Variants in LMOD3 observed in about 807,000 individuals in gnomAD.
LMOD3 encodes the protein leiomodin-3.
In LMOD3, 31 loss-of-function variants were observed where a neutral mutation model predicts 41.8. The observed-to-expected ratio is 0.74, with a 90% confidence interval of 0.56 to 1.00. The LOEUF is 1.00. Among genes scored for constraint, LMOD3 ranks in the 50% least tolerant of loss-of-function variants. LMOD3 has a pLI of 0.00. For missense variants in LMOD3, 755 were observed against 679.5 expected (o/e 1.11, Z -1.23); for synonymous variants, 292 against 241.9 (o/e 1.21, Z -1.92).
chr3:69,114,749 G>A (rs1434052540), intron 2 of LMOD3, among the ~76,000 whole-genome samples: 2 of 152,184 alleles, frequency 1.3e-5, no homozygotes, highest in South Asian at 2.1e-4. Context: ...TCAAGTGATC[G>A]ACCTCCCAAA....
rs888361910 is a variant in LMOD3, at chr3:69,107,240, C to T, written c.*1855G>A. 1 of 151,804 alleles carries T rather than the reference C, an allele frequency of 6.6e-6. No individual in the cohort carries two copies. The highest frequency in any genetic ancestry group is 1.9e-4 in the East Asian group (1 of 5,168). 9.4% of individuals were successfully genotyped at this position (151,804 alleles called of 1,614,324 possible). On this transcript the variant is annotated 3_prime_UTR_variant, in exon 3 of 3. Coordinates refer to ENST00000420581, the MANE Select transcript of LMOD3 (RefSeq NM_198271.5). ...ATATTTAAATTTGGATACTTTTGTA[C>T]ATACTAAATTATCTTAAAAAAATAG...
intron 2 of LMOD3, among the ~76,000 whole-genome samples, chr3:69,110,062 C>T (rs2092341034): frequency 6.6e-6 from 1 of 152,010 alleles, no homozygotes; most frequent in Admixed American, 6.5e-5. Context: ...TTGAAGCACA[C>T]TCCTAATCTG....
chr3:69,108,917 G>A lies in LMOD3; in HGVS notation c.*178C>T, dbSNP rs2092335307. 9 of 529,004 alleles carry A rather than the reference G, an allele frequency of 1.7e-5. No homozygotes were observed. The South Asian group carries it at 2.4e-4, about 14-fold the overall frequency. 32.8% of individuals were successfully genotyped at this position (529,004 alleles called of 1,614,324 possible). On this transcript the variant is annotated 3_prime_UTR_variant, in exon 3 of 3. Coordinates refer to ENST00000420581, the MANE Select transcript of LMOD3 (RefSeq NM_198271.5). Reference sequence around the variant, plus strand: ...TTATCTCCTTCCACCTTCCTCTTCAGCCCCTACTTCTTCATGGCCCAAACA... The same window carrying A: ...TTATCTCCTTCCACCTTCCTCTTCAACCCCTACTTCTTCATGGCCCAAACA...
chr3:69,118,892 A>G lies in LMOD3; in HGVS notation c.1463T>C (p.Val488Ala). 1 of 1,610,200 alleles carries G rather than the reference A, an allele frequency of 6.2e-7. No homozygotes were observed. Among genetic ancestry groups the G allele is most frequent in the South Asian group, 1.1e-5 (1 of 90,678 alleles). The change falls in exon 2 of 3, where the codon GTG becomes GCG. Residue 488 changes from valine (V) to alanine (A), a missense_variant. Physicochemically the swap from Val to Ala is moderately conservative, Grantham distance 64 (BLOSUM62 0). Coordinates refer to ENST00000420581, the MANE Select transcript of LMOD3 (RefSeq NM_198271.5). ...YRTDPDSFRVVKLKRIQRKSR... is the reference protein window; with the variant it reads ...YRTDPDSFRVAKLKRIQRKSR... Reference sequence around the variant, plus strand: ...TTTGCGCTGGATTCTCTTCAGCTTCACCACCCGGAAGGAGTCAGGGTCTGT... The same window carrying G: ...TTTGCGCTGGATTCTCTTCAGCTTCGCCACCCGGAAGGAGTCAGGGTCTGT...
In LMOD3 at chr3:69,110,429, C is replaced by A. The variant is rs571077250; in HGVS notation, c.1657-1308G>T. The stretch of plus-strand genomic sequence containing the variant: ...ATTTTTAGTAGAGACGGGGTTTCAC[C>A]ATGTCGGCCAGGCTTGTCGTGAACT... On this transcript the variant is annotated intron_variant, in intron 2 of 2. Transcript: ENST00000420581. Among the ~76,000 whole-genome samples the A allele has an allele frequency of 7.9e-5, 12 of 151,564 alleles. No individual in the cohort carries two copies. The South Asian group carries it at 2.5e-3, about 32-fold the overall frequency.
rs373942606 is a variant in LMOD3 at position 69,118,936 on chromosome 3, C to A, written c.1419G>T (p.Ser473=). Residue 473 remains serine, a synonymous_variant, in exon 2 of 3, where the codon TCG becomes TCT. Transcript: ENST00000420581. ...GGTCTGTCCTGTACTTCGGGGCCTG[C>A]GATGGCTTTTTCATCATTTCACTGC... is the stretch of plus-strand genomic sequence containing the variant. The part of the protein sequence containing the change: ...SQRSEMMKKP[S]QAPKYRTDPD... The A allele has an allele frequency of 2.5e-6, 4 of 1,612,352 alleles. No individual in the cohort carries two copies. In the East Asian group the frequency reaches 8.9e-5, roughly 36 times the overall value.
At position 69,109,255 on chromosome 3, in the gene LMOD3, A is replaced by C. The variant is rs1260866347; in HGVS notation, c.1657-134T>G. The stretch of plus-strand genomic sequence containing the variant: ...GAAATTCTGGCCAAAGCACCTCCAA[A>C]ATCAAGATAAAACAACAATCATAAC... On this transcript the variant is annotated intron_variant, in intron 2 of 2. Transcript: ENST00000420581. 4.1e-6 allele frequency: 3 copies of C among 739,460 alleles called. No individual in the cohort carries two copies. The Admixed American group carries it at 7.1e-5, about 18-fold the overall frequency. The allele number at this position is 739,460 out of a possible 1,614,324, so 45.8% of individuals were successfully genotyped here. A position where few individuals can be genotyped will look rare whatever the true frequency, so the allele number is the denominator to read the frequency against.
At chr3:69,115,177 A>G (rs1038376334) in intron 2 of LMOD3, among the ~76,000 whole-genome samples, 1 of 152,162 alleles carries the variant, frequency 6.6e-6, no homozygotes, top group Admixed American at 6.5e-5. Flanking sequence ...CCAGCCAGTA[A>G]CTACAATTTA....
chr3:69,122,451 GA>G lies in LMOD3; in HGVS notation c.-66del. On this transcript the variant is annotated 5_prime_UTR_variant, in exon 1 of 3. Coordinates refer to ENST00000420581, the MANE Select transcript of LMOD3 (RefSeq NM_198271.5). ...ATCAAAGATGATTTTTAAAAAGAAG[GA>G]AAAAAGCCTCAAGAAGGTCCCCCAG... The G allele has an allele frequency of 1.6e-6, 2 of 1,249,524 alleles. No homozygotes were observed. The highest frequency in any genetic ancestry group is 2.2e-6 in the Non-Finnish European group (2 of 916,616). The allele number at this position is 1,249,524 out of a possible 1,614,324, so 77.4% of individuals were successfully genotyped here. A position where few individuals can be genotyped will look rare whatever the true frequency, so the allele number is the denominator to read the frequency against.
chr3:69,118,990 G>T lies in LMOD3; in HGVS notation c.1365C>A (p.Pro455=), dbSNP rs2092391432. The stretch of plus-strand genomic sequence containing the variant: ...GACTAAAGGGGACATTTTGGGGGTT[G>T]GGAGGCCGAGGTGGCGGTGGCTGGA... ...EFFQPPPPRP[P]NPQNVPFSQR... Residue 455 remains proline, a synonymous_variant, in exon 2 of 3, where the codon CCC becomes CCA. Transcript: ENST00000420581. The T allele has an allele frequency of 6.2e-7, 1 of 1,613,490 alleles. No homozygotes were observed. The highest frequency in any genetic ancestry group is 8.5e-7 in the Non-Finnish European group (1 of 1,179,806).
intron 2 of LMOD3, among the ~76,000 whole-genome samples, chr3:69,117,719 A>T (rs557763267): frequency 6.6e-6 from 1 of 152,352 alleles, no homozygotes; most frequent in South Asian, 2.1e-4. Flanking sequence ...CTGCCTAAAA[A>T]GTGAGCAATA....
intron 2 of LMOD3, 74 bp downstream of exon 2, chr3:69,118,625 C>T (rs1201633222): frequency 6.8e-7 from 1 of 1,477,672 alleles, no homozygotes; most frequent in East Asian, 2.4e-5. Context: ...TATGTTAAAA[C>T]AGAGAGGGAA....
chr3:69,110,565 G>A (rs1021985324), intron 2 of LMOD3, among the ~76,000 whole-genome samples: 1 of 150,506 alleles, frequency 6.6e-6, no homozygotes, highest in African/African-American at 2.4e-5. Context: ...TAACAAGGCT[G>A]GGCGCGGTGG....
At chr3:69,112,481 A>G (rs2092354351) in intron 2 of LMOD3, among the ~76,000 whole-genome samples, 1 of 152,234 alleles carries the variant, frequency 6.6e-6, no homozygotes, top group Non-Finnish European at 1.5e-5. Flanking sequence ...GAGGTGCTAT[A>G]AAAGAGGTGT....
At position 69,120,308 on chromosome 3, in the gene LMOD3, A is replaced by T. The variant is rs532317944; in HGVS notation, c.295-248T>A. ...TTTAATGGTGTTTAATTTCAGAAGC[A>T]GTTAAAAATTGTTTTGAAAACCTCA... On this transcript the variant is annotated intron_variant, in intron 1 of 2. Coordinates refer to ENST00000420581, the MANE Select transcript of LMOD3 (RefSeq NM_198271.5). Among the ~76,000 whole-genome samples, 14 of 152,278 alleles carry T rather than the reference A, an allele frequency of 9.2e-5. No homozygotes were observed. In the South Asian group the frequency reaches 2.7e-3, roughly 29 times the overall value.
At chr3:69,118,147 A>G (rs1326587144) in intron 2 of LMOD3, among the ~76,000 whole-genome samples, 2 of 152,030 alleles carry the variant, frequency 1.3e-5, no homozygotes, top group Non-Finnish European at 2.9e-5. Context: ...ATTCTTATTT[A>G]TTCCTCACTG....
rs756048205 is a variant in LMOD3 at position 69,119,002 on chromosome 3, T to G, written c.1353A>C (p.Pro451=). ...CATTTTGGGGGTTGGGAGGCCGAGG[T>G]GGCGGTGGCTGGAAGAATTCCTGCA... The part of the protein sequence containing the change: ...SRMQEFFQPP[P]PRPPNPQNVP... Residue 451 remains proline (P), a synonymous_variant, in exon 2 of 3, where the codon CCA becomes CCC. Coordinates refer to ENST00000420581, the MANE Select transcript of LMOD3 (RefSeq NM_198271.5). 3 of 1,613,438 alleles carry G rather than the reference T, an allele frequency of 1.9e-6. No homozygotes were observed. In the African/African-American group the frequency reaches 4.0e-5, roughly 22 times the overall value.
chr3:69,109,350 G>C (rs577361184), intron 2 of LMOD3, among the ~76,000 whole-genome samples: 1 of 149,526 alleles, frequency 6.7e-6, no homozygotes, highest in Admixed American at 6.6e-5. Flanking sequence ...ACATGGCAAA[G>C]TAACATCATG....
At chr3:69,109,998 A>G (rs1246619035) in intron 2 of LMOD3, among the ~76,000 whole-genome samples, 2 of 152,156 alleles carry the variant, frequency 1.3e-5, no homozygotes, top group Non-Finnish European at 2.9e-5. Context: ...GCCTGTAAAA[A>G]TATCACTATA....
Sources: gnomAD v4.1 joint callset for allele counts (sites outside exome capture counted in the v4.1 genomes callset) on GRCh38, gnomAD v4.1.1 for gene constraint, MANE v1.5 for transcripts, NCBI Gene and HGNC (gene_info 2026-07-23, HGNC 2026-07-21) for gene names.